Variants in TMEM114 observed in about 807,000 individuals in gnomAD.
TMEM114 encodes the protein claudin-26.
A neutral mutation model predicts 6.2 loss-of-function variants in TMEM114; 6 were observed. The ratio of observed to expected loss-of-function variants is 0.97; its 90% CI spans 0.53 to 1.91. TMEM114 has a LOEUF of 1.91. Ranked by LOEUF, TMEM114 falls within the 40% of genes most tolerant of loss-of-function variation. The probability of loss-of-function intolerance (pLI) is 0.01; values close to 1 mark genes in which losing one functional copy is unlikely to be tolerated. For missense variants in TMEM114, 218 were observed against 158.3 expected (o/e 1.38, Z -2.02); for synonymous variants, 104 against 73.0 (o/e 1.42, Z -2.16).
At chr16:8,528,164 G>C in the TMEM114 span, among the ~76,000 whole-genome samples, 1 of 152,100 alleles carries the variant, frequency 6.6e-6, no homozygotes, top group African/African-American at 2.4e-5. Context: ...GCCTCCCAAA[G>C]TGCTAGAACT....
At chr16:8,545,220 T>C (rs959030247) in intron 2 of TMEM114, among the ~76,000 whole-genome samples, 5 of 152,148 alleles carry the variant, frequency 3.3e-5, no homozygotes, top group Non-Finnish European at 5.9e-5. Context: ...GGAAGATTAC[T>C]TGCATCCACG....
chr16:8,589,108 G>C (rs1286802422), intron 2 of TMEM114, 105 bp downstream of exon 2: 8 of 396,566 alleles, frequency 2.0e-5, no homozygotes, highest in Middle Eastern at 6.2e-4. Context: ...GGCCACCCCA[G>C]CCGCCCTCTC....
chr16:8,563,787 G>A (rs1300649300), intron 2 of TMEM114, among the ~76,000 whole-genome samples: 2 of 140,236 alleles, frequency 1.4e-5, no homozygotes, highest in Non-Finnish European at 3.1e-5. Context: ...ATGACTGAGT[G>A]AGTAAATGAG....
At chr16:8,575,668 A>G (rs1901896346) in intron 2 of TMEM114, among the ~76,000 whole-genome samples, 3 of 152,216 alleles carry the variant, frequency 2.0e-5, no homozygotes, top group Non-Finnish European at 4.4e-5. Flanking sequence ...TTTTCTCATC[A>G]GCTAAATGGG....
At chr16:8,542,091 G>A (rs952352847) in intron 2 of TMEM114, among the ~76,000 whole-genome samples, 11 of 152,068 alleles carry the variant, frequency 7.2e-5, no homozygotes, top group Admixed American at 3.9e-4. Flanking sequence ...GTGCTGGCTG[G>A]AGAAGTCATC....
intron 2 of TMEM114, among the ~76,000 whole-genome samples, chr16:8,574,042 C>G (rs568956394): frequency 3.9e-5 from 6 of 152,236 alleles, no homozygotes; most frequent in African/African-American, 1.4e-4. Context: ...CAGTGTGGCT[C>G]TCAGGCAGGA....
At chr16:8,557,366 C>G (rs1177268649) in intron 2 of TMEM114, among the ~76,000 whole-genome samples, 1 of 152,118 alleles carries the variant, frequency 6.6e-6, no homozygotes, top group Non-Finnish European at 1.5e-5. Flanking sequence ...CAGTGTAGCC[C>G]ATGGGGAGAG....
At chr16:8,557,944 C>G (rs1262456868) in intron 2 of TMEM114, among the ~76,000 whole-genome samples, 2 of 152,180 alleles carry the variant, frequency 1.3e-5, no homozygotes, top group Non-Finnish European at 2.9e-5. Context: ...TCTCACAATT[C>G]TGAAGGTCCA....
intron 2 of TMEM114, among the ~76,000 whole-genome samples, chr16:8,578,369 T>C (rs1181923408): frequency 6.6e-6 from 1 of 152,186 alleles, no homozygotes; most frequent in Non-Finnish European, 1.5e-5. Context: ...CAATCTGTGA[T>C]GCTCCCTGGC....
At chr16:8,582,280 A>C (rs1456715405) in intron 2 of TMEM114, among the ~76,000 whole-genome samples, 1 of 151,400 alleles carries the variant, frequency 6.6e-6, no homozygotes, top group Non-Finnish European at 1.5e-5. Context: ...GACACAGCTG[A>C]GGTAAGACAT....
intron 2 of TMEM114, among the ~76,000 whole-genome samples, chr16:8,575,644 C>T (rs762702564): frequency 6.6e-6 from 1 of 152,214 alleles, no homozygotes; most frequent in Non-Finnish European, 1.5e-5. Context: ...TACTTTATAA[C>T]CTTCAAGCCT....
chr16:8,535,233 G>C (rs1028620567), downstream of TMEM114, among the ~76,000 whole-genome samples: 7 of 148,990 alleles, frequency 4.7e-5, no homozygotes, highest in Non-Finnish European at 1.1e-4. Context: ...CACTAGGAAG[G>C]GTTAAAAAGC....
chr16:8,572,167 C>A lies in TMEM114; in HGVS notation c.359G>T (p.Gly120Val). Residue 120 changes from glycine (G) to valine (V), a missense_variant, in exon 3 of 4, where the codon GGG (glycine) becomes GTG (valine). Coordinates refer to ENST00000620492, the MANE Select transcript of TMEM114 (RefSeq NM_001146336.2). ...GAAGCTCAGAAACCCCGTCATCCCC[C>A]CAAAAACCATCAGGATCAGGCTGAG... ...LPLSLILMVF[G>V]GMTGFLSFLL... 1 of 1,551,612 alleles carries A rather than the reference C, an allele frequency of 6.4e-7. No homozygotes were observed. Among genetic ancestry groups the A allele is most frequent in the Non-Finnish European group, 8.7e-7 (1 of 1,146,962 alleles).
chr16:8,538,096 C>T (rs941152977), intron 2 of TMEM114, among the ~76,000 whole-genome samples: 1 of 125,576 alleles, frequency 8.0e-6, no homozygotes, highest in Non-Finnish European at 1.6e-5. Context: ...CCCAGGAGTT[C>T]GAGACCAGCC....
chr16:8,545,462 A>G lies in TMEM114; in HGVS notation n.213-7636T>C, dbSNP rs1041012324. ...AATAATCAACATCATCATCATCATC[A>G]TCACCATCATCACCATCATCATCAC... On this transcript the variant is annotated intron_variant and non_coding_transcript_variant, in intron 2 of 2. Transcript: ENST00000623677. 1.6e-4 allele frequency among the ~76,000 whole-genome samples: 25 copies of G among 152,138 alleles called. 1 individual carries two copies. The highest frequency in any genetic ancestry group is 4.3e-4 in the African/African-American group (18 of 41,414).
chr16:8,533,871 C>T (rs1449453374), downstream of TMEM114, among the ~76,000 whole-genome samples: 10 of 152,238 alleles, frequency 6.6e-5, no homozygotes, highest in East Asian at 7.7e-4. Context: ...AGAGTCATCC[C>T]GGGAAAGTGA....
intron 2 of TMEM114, among the ~76,000 whole-genome samples, chr16:8,541,440 G>A (rs887459608): frequency 2.6e-5 from 4 of 152,112 alleles, no homozygotes; most frequent in Non-Finnish European, 5.9e-5. Context: ...AAAGCACTTT[G>A]TAAACAGTGA....
chr16:8,567,760 C>CT (rs1901593506), downstream of TMEM114, among the ~76,000 whole-genome samples: 1 of 152,128 alleles, frequency 6.6e-6, no homozygotes, highest in Non-Finnish European at 1.5e-5. Flanking sequence ...AAACGTGTCT[C>CT]TTGACGAATT....
intron 2 of TMEM114, among the ~76,000 whole-genome samples, chr16:8,549,709 T>A (rs551360220): frequency 1.3e-5 from 2 of 152,284 alleles, no homozygotes; most frequent in East Asian, 3.9e-4. Context: ...TCTGTGTCTG[T>A]GTGCTCAGGT....
Sources: gnomAD v4.1 joint callset for allele counts (sites outside exome capture counted in the v4.1 genomes callset) on GRCh38, gnomAD v4.1.1 for gene constraint, MANE v1.5 for transcripts, NCBI Gene and HGNC (gene_info 2026-07-23, HGNC 2026-07-21) for gene names.